NUBPL: variants seen among roughly 807,000 people sequenced by gnomAD.
The protein encoded by NUBPL is NUBP iron-sulfur cluster assembly factor, mitochondrial, also known as iron-sulfur cluster transfer protein NUBPL.
In NUBPL, 31 loss-of-function variants were observed where a neutral mutation model predicts 45.7. The observed-to-expected ratio is 0.68, with a 90% CI of 0.51 to 0.92. The LOEUF is 0.92. NUBPL is among the 40% of genes least tolerant of loss of function. The pLI is 0.00. For synonymous variants in NUBPL, 144 were observed against 140.9 expected (o/e 1.02, Z -0.15); for missense variants, 401 against 398.7 (o/e 1.01, Z -0.05).
chr14:31,837,194 A>G (rs562821538), intron 8 of NUBPL, among the ~76,000 whole-genome samples: 2 of 152,136 alleles, frequency 1.3e-5, no homozygotes, highest in Non-Finnish European at 2.9e-5. Context: ...GCTGGCATGC[A>G]TCTGTAGTCT....
intron 7 of NUBPL, among the ~76,000 whole-genome samples, chr14:31,804,718 T>G (rs1291192707): frequency 2.0e-5 from 3 of 152,096 alleles, no homozygotes; most frequent in African/African-American, 4.8e-5. Context: ...GTTGCTGGGA[T>G]AACTGGCTAT....
chr14:31,650,684 A>C (rs555728803), intron 4 of NUBPL, among the ~76,000 whole-genome samples: 32 of 152,368 alleles, frequency 2.1e-4, no homozygotes, highest in African/African-American at 6.0e-4. Context: ...GCCTGTGTTT[A>C]AAAGCGGCTT....
chr14:31,855,272 T>C (rs745408549), intron 10 of NUBPL, among the ~76,000 whole-genome samples: 37 of 152,258 alleles, frequency 2.4e-4, no homozygotes, highest in Non-Finnish European at 4.6e-4. Flanking sequence ...GAGAAACCTT[T>C]CTTTATAAGT....
chr14:31,636,363 C>G (rs1402070642), intron 4 of NUBPL, among the ~76,000 whole-genome samples: 3 of 151,982 alleles, frequency 2.0e-5, no homozygotes, highest in Non-Finnish European at 2.9e-5. Flanking sequence ...TGGTTTTTGT[C>G]TTTGGTTCTG....
intron 6 of NUBPL, among the ~76,000 whole-genome samples, chr14:31,684,408 C>T (rs2139842180): frequency 6.6e-6 from 1 of 152,088 alleles, no homozygotes; most frequent in South Asian, 2.1e-4. Flanking sequence ...AAGTGGGGTC[C>T]TTTCAGAAAG....
intron 4 of NUBPL, among the ~76,000 whole-genome samples, chr14:31,655,864 G>C (rs1042600305): frequency 6.6e-6 from 1 of 152,206 alleles, no homozygotes; most frequent in Admixed American, 6.5e-5. Context: ...AAAGTTACCA[G>C]CTGCATTAGC....
At chr14:31,647,687 T>C (rs2035893361) in intron 4 of NUBPL, among the ~76,000 whole-genome samples, 3 of 152,206 alleles carry the variant, frequency 2.0e-5, no homozygotes. Flanking sequence ...CTCATTGCCT[T>C]TGGCTGTCCT....
rs1244840853 is a variant in NUBPL, at chr14:31,859,653, C to A, written c.*473C>A. On this transcript the variant is annotated 3_prime_UTR_variant, in exon 11 of 11. Coordinates refer to ENST00000281081, the MANE Select transcript of NUBPL (RefSeq NM_025152.3). Reference sequence around the variant, plus strand: ...TTCTTAATATGAACCTCTGCTTCTTCATCTGGATCACACTATACCCCAGAC... The same window carrying A: ...TTCTTAATATGAACCTCTGCTTCTTAATCTGGATCACACTATACCCCAGAC... 4.6e-6 allele frequency: 1 copy of A among 216,652 alleles called. No homozygotes were observed. Among genetic ancestry groups the A allele is most frequent in the Non-Finnish European group, 9.3e-6 (1 of 107,308 alleles). 13.4% of individuals were successfully genotyped at this position (216,652 alleles called of 1,614,324 possible).
chr14:31,710,864 C>T (rs968269128), intron 6 of NUBPL, among the ~76,000 whole-genome samples: 1 of 152,188 alleles, frequency 6.6e-6, no homozygotes, highest in African/African-American at 2.4e-5. Flanking sequence ...GTTCCCCCTA[C>T]AATGGGGCTT....
intron 6 of NUBPL, among the ~76,000 whole-genome samples, chr14:31,706,311 C>T (rs931989206): frequency 2.0e-5 from 3 of 152,158 alleles, no homozygotes; most frequent in African/African-American, 7.2e-5. Flanking sequence ...CGGATCGGTC[C>T]AGGGGTCCTC....
intron 6 of NUBPL, among the ~76,000 whole-genome samples, chr14:31,677,215 A>T (rs561659296): frequency 7.9e-5 from 12 of 152,154 alleles, no homozygotes; most frequent in African/African-American, 2.4e-4. Flanking sequence ...CTATTTTAAA[A>T]TGTACCATCA....
chr14:31,658,671 C>T (rs2036199088), intron 4 of NUBPL, among the ~76,000 whole-genome samples: 1 of 152,060 alleles, frequency 6.6e-6, no homozygotes, highest in Non-Finnish European at 1.5e-5. Flanking sequence ...CGCTACCATG[C>T]CGGCTAATCT....
Position 31,749,623 on chromosome 14 carries a change from C to T in NUBPL, c.514-38157C>T, listed in dbSNP as rs533317626. ...GACAGTTTCTTTTCCCTCTGCTTTT[C>T]GAATTCTCTTTTTTTTCTTTCGTTT... is the stretch of plus-strand genomic sequence containing the variant. On this transcript the variant is annotated intron_variant, in intron 6 of 10. Transcript: ENST00000281081. 3.3e-5 allele frequency among the ~76,000 whole-genome samples: 5 copies of T among 152,100 alleles called. No individual in the cohort carries two copies. In the South Asian group the frequency reaches 6.2e-4, roughly 19 times the overall value.
intron 6 of NUBPL, among the ~76,000 whole-genome samples, chr14:31,763,237 G>A (rs745926795): frequency 2.6e-5 from 4 of 152,148 alleles, no homozygotes; most frequent in Admixed American, 2.0e-4. Context: ...TCTTTTGATT[G>A]CCTCTGTGTT....
At chr14:31,840,821 A>G (rs2040359083) in intron 8 of NUBPL, among the ~76,000 whole-genome samples, 1 of 152,142 alleles carries the variant, frequency 6.6e-6, no homozygotes, top group Non-Finnish European at 1.5e-5. Context: ...GAAATAGAAC[A>G]TTACCAGCAT....
intron 6 of NUBPL, among the ~76,000 whole-genome samples, chr14:31,720,834 T>C (rs190998142): frequency 9.6e-4 from 146 of 152,352 alleles, no homozygotes; most frequent in Non-Finnish European, 1.5e-3. Context: ...TTTTTATCAC[T>C]GCAGAAACTT....
intron 7 of NUBPL, among the ~76,000 whole-genome samples, chr14:31,804,515 G>C (rs1394603085): frequency 6.6e-6 from 1 of 152,136 alleles, no homozygotes; most frequent in Non-Finnish European, 1.5e-5. Context: ...CATCTAGCCT[G>C]TATTTGAATA....
At chr14:31,699,930 C>A (rs76936685) in intron 6 of NUBPL, among the ~76,000 whole-genome samples, 1 of 152,158 alleles carries the variant, frequency 6.6e-6, no homozygotes, top group Non-Finnish European at 1.5e-5. Context: ...TTTAAATGTT[C>A]TTACCATAAT....
At chr14:31,562,258 C>G (rs1175495437) in intron 2 of NUBPL, 43 bp downstream of exon 2, 1 of 1,547,480 alleles carries the variant, frequency 6.5e-7, no homozygotes. Context: ...AGAACTTATG[C>G]CAACAGACAA....
Sources: gnomAD v4.1 joint callset for allele counts (sites outside exome capture counted in the v4.1 genomes callset) on GRCh38, gnomAD v4.1.1 for gene constraint, MANE v1.5 for transcripts, NCBI Gene and HGNC (gene_info 2026-07-23, HGNC 2026-07-21) for gene names.